Variants in GRID2 observed in about 807,000 individuals in gnomAD.
GRID2 encodes the protein glutamate ionotropic receptor delta type subunit 2.
In GRID2, 33 loss-of-function variants were observed where a neutral mutation model predicts 114.8. The observed-to-expected ratio is 0.29, with a 90% CI of 0.22 to 0.38. The LOEUF is 0.38. Ranked by LOEUF, GRID2 falls within the 10% of genes least tolerant of loss-of-function variation. The pLI is 1.00. For missense variants in GRID2, 1,184 were observed against 1,257.7 expected (o/e 0.94, Z 0.89); for synonymous variants, 505 against 449.9 (o/e 1.12, Z -1.55).
At chr4:92,646,238 T>C (rs1271273820) in intron 2 of GRID2, among the ~76,000 whole-genome samples, 1 of 152,176 alleles carries the variant, frequency 6.6e-6, no homozygotes, top group Non-Finnish European at 1.5e-5. Context: ...GCTATCTTCT[T>C]TTATAAAGTG....
chr4:93,762,575 G>A (rs1344246960), intron 14 of GRID2, among the ~76,000 whole-genome samples: 1 of 152,112 alleles, frequency 6.6e-6, no homozygotes, highest in African/African-American at 2.4e-5. Flanking sequence ...CTGACCAGAG[G>A]ATTCTAACAG....
At chr4:93,608,422 T>A (rs1415384525) in intron 13 of GRID2, among the ~76,000 whole-genome samples, 2 of 144,796 alleles carry the variant, frequency 1.4e-5, no homozygotes, top group Non-Finnish European at 3.0e-5. Context: ...TAACGTGTCA[T>A]CTAGCATTAG....
intron 1 of GRID2, among the ~76,000 whole-genome samples, chr4:92,442,880 A>G (rs1220547926): frequency 2.6e-5 from 4 of 152,244 alleles, no homozygotes; most frequent in South Asian, 4.1e-4. Context: ...ATTGTTGGGC[A>G]GGAGGGGGAG....
chr4:93,697,617 T>C (rs1377570711), intron 14 of GRID2, among the ~76,000 whole-genome samples: 2 of 152,062 alleles, frequency 1.3e-5, no homozygotes, highest in East Asian at 3.9e-4. Context: ...ATTAGTCACT[T>C]TCTTATTTCA....
chr4:92,519,919 G>A (rs1579507766), intron 1 of GRID2, among the ~76,000 whole-genome samples: 1 of 151,952 alleles, frequency 6.6e-6, no homozygotes, highest in East Asian at 2.0e-4. Context: ...ATATTGGGGG[G>A]CGGAATTTGC....
intron 13 of GRID2, among the ~76,000 whole-genome samples, chr4:93,573,401 CAAAG>C (rs1736117373): frequency 6.6e-6 from 1 of 152,160 alleles, no homozygotes; most frequent in Admixed American, 6.6e-5. Flanking sequence ...TCTTTTTAAA[CAAAG>C]AAGACTGAAA....
intron 8 of GRID2, among the ~76,000 whole-genome samples, chr4:93,357,042 A>C (rs2149269028): frequency 6.6e-6 from 1 of 151,732 alleles, no homozygotes; most frequent in South Asian, 2.1e-4. Context: ...GCCTGTTTTC[A>C]ATTTTTTTTA....
intron 2 of GRID2, among the ~76,000 whole-genome samples, chr4:92,785,038 A>C (rs886295342): frequency 4.0e-5 from 6 of 149,816 alleles, no homozygotes; most frequent in African/African-American, 1.5e-4. Flanking sequence ...AAAATTTTCC[A>C]CTTTAATTCC....
intron 8 of GRID2, among the ~76,000 whole-genome samples, chr4:93,239,542 G>A (rs1267990532): frequency 6.6e-6 from 1 of 151,320 alleles, no homozygotes; most frequent in Admixed American, 6.6e-5. Flanking sequence ...GGAGTAATTA[G>A]CAATACAAAT....
chr4:93,250,185 G>T (rs1466245167), intron 8 of GRID2, among the ~76,000 whole-genome samples: 1 of 152,112 alleles, frequency 6.6e-6, no homozygotes, highest in Non-Finnish European at 1.5e-5. Context: ...ATGAGTTCAC[G>T]TCCTTTGTAG....
intron 2 of GRID2, among the ~76,000 whole-genome samples, chr4:92,891,563 A>T (rs945487114): frequency 6.6e-6 from 1 of 151,400 alleles, no homozygotes; most frequent in Non-Finnish European, 1.5e-5. Context: ...GCTGAGCAGC[A>T]TTTTTTTTTA....
Position 92,955,452 on chromosome 4 carries a change from T to G in GRID2, c.245-129543T>G, listed in dbSNP as rs929027569. Among the ~76,000 whole-genome samples, 128 of 152,236 alleles carry G rather than the reference T, an allele frequency of 8.4e-4. 1 individual carries two copies. The highest frequency in any genetic ancestry group is 2.9e-3 in the African/African-American group (121 of 41,570). On this transcript the variant is annotated intron_variant, in intron 2 of 15. Coordinates refer to ENST00000282020, the MANE Select transcript of GRID2 (RefSeq NM_001510.4). ...TCTGTTCATGTCCTTTGCCCACTTT[T>G]TGATGGCGTTGTTTGTTTTTTTCTT...
rs182674966 is a variant in GRID2 at position 92,443,815 on chromosome 4, C to T, written c.88+139071C>T. Among the ~76,000 whole-genome samples, 141 of 152,248 alleles carry T rather than the reference C, an allele frequency of 9.3e-4. 1 individual carries two copies. Among genetic ancestry groups the T allele is most frequent in the African/African-American group, 3.0e-3 (123 of 41,550 alleles). On this transcript the variant is annotated intron_variant, in intron 1 of 15. Transcript: ENST00000282020. ...CCTGCGTGGTATGACACCTTTGAAA[C>T]GTGGGTTGAATAATCAGAGAGGCGT...
chr4:92,761,008 A>G (rs953280448), intron 2 of GRID2, among the ~76,000 whole-genome samples: 3 of 152,130 alleles, frequency 2.0e-5, no homozygotes, highest in African/African-American at 2.4e-5. Flanking sequence ...TTAAATCCAT[A>G]TATGGCAACT....
At chr4:93,082,698 C>T (rs570264537) in intron 2 of GRID2, among the ~76,000 whole-genome samples, 20 of 152,102 alleles carry the variant, frequency 1.3e-4, no homozygotes, top group African/African-American at 4.8e-4. Flanking sequence ...TTGATTATTC[C>T]GATTTTGATT....
chr4:92,870,358 G>T (rs1488955262), intron 2 of GRID2, among the ~76,000 whole-genome samples: 1 of 151,616 alleles, frequency 6.6e-6, no homozygotes, highest in Admixed American at 6.6e-5. Flanking sequence ...GCTCCATAAG[G>T]ACAGCACTTT....
intron 2 of GRID2, among the ~76,000 whole-genome samples, chr4:93,027,876 A>C (rs1724026525): frequency 6.6e-6 from 1 of 152,140 alleles, no homozygotes; most frequent in Non-Finnish European, 1.5e-5. Flanking sequence ...ATGAATAGTA[A>C]ATACAAATCC....
At chr4:93,587,591 C>G (rs755350535) in intron 13 of GRID2, among the ~76,000 whole-genome samples, 3 of 152,064 alleles carry the variant, frequency 2.0e-5, no homozygotes, top group Non-Finnish European at 4.4e-5. Context: ...TCCATGGCCT[C>G]ATTTTAGTAT....
chr4:93,027,533 C>T (rs1723995113), intron 2 of GRID2, among the ~76,000 whole-genome samples: 1 of 152,054 alleles, frequency 6.6e-6, no homozygotes, highest in Non-Finnish European at 1.5e-5. Flanking sequence ...TTAATCTTTG[C>T]CTACCTGTCT....
Sources: allele counts gnomAD v4.1 joint callset (sites outside exome capture counted in the v4.1 genomes callset), GRCh38; gene constraint gnomAD v4.1.1; transcripts MANE v1.5; gene names NCBI Gene and HGNC (gene_info 2026-07-23, HGNC 2026-07-21).